Variants in PKHD1 observed in about 807,000 individuals in gnomAD.
The protein encoded by PKHD1 is PKHD1 ciliary IPT domain containing fibrocystin/polyductin.
In PKHD1, 291 loss-of-function variants were observed where a neutral mutation model predicts 412.0. The ratio of observed to expected loss-of-function variants is 0.71; its 90% CI spans 0.64 to 0.78. PKHD1 has a LOEUF of 0.78. Ranked by LOEUF, PKHD1 falls within the 30% of genes least tolerant of loss-of-function variation. PKHD1 has a pLI of 0.00. For missense variants in PKHD1, 4,825 were observed against 4,950.7 expected (o/e 0.97, Z 0.76); for synonymous variants, 1,777 against 1,821.5 (o/e 0.98, Z 0.62).
Position 51,659,891 on chromosome 6 carries a change from A to T in PKHD1, c.10235T>A (p.Val3412Asp). Residue 3412 changes from valine to aspartate, a missense_variant, in exon 61 of 67, where the codon GTC (valine) becomes GAC (aspartate). Physicochemically the swap from Val to Asp is radical, Grantham distance 152. Transcript: ENST00000371117. ...GGCATCAGCGCTATCAAGAATTAGG[A>T]CCACTTGGTCAGTCTGTTTGCAGAT... ...GFICKQTDQV[V>D]LILDSADAIW... 6.2e-7 allele frequency: 1 copy of T among 1,612,960 alleles called. No homozygotes were observed. Among genetic ancestry groups the T allele is most frequent in the Non-Finnish European group, 8.5e-7 (1 of 1,179,152 alleles).
chr6:51,858,901 G>C (rs1583067900), intron 48 of PKHD1, among the ~76,000 whole-genome samples: 1 of 152,186 alleles, frequency 6.6e-6, no homozygotes, highest in Admixed American at 6.5e-5. Flanking sequence ...TCAGCAGTTG[G>C]GTGATCCTAA....
intron 54 of PKHD1, 90 bp from the exon 55 acceptor site, chr6:51,772,879 C>T: frequency 1.3e-6 from 1 of 774,338 alleles, no homozygotes. Context: ...GGCTGTTGTG[C>T]AAAACATGTG....
intron 53 of PKHD1, among the ~76,000 whole-genome samples, chr6:51,779,448 A>G (rs537214490): frequency 6.6e-6 from 1 of 152,178 alleles, no homozygotes; most frequent in South Asian, 2.1e-4. Flanking sequence ...TTTTGCTACA[A>G]TACTTCTAAA....
Position 51,780,540 on chromosome 6 carries a change from G to A in PKHD1, c.8441-4619C>T, listed in dbSNP as rs529881861. On this transcript the variant is annotated intron_variant, in intron 53 of 66. Coordinates refer to ENST00000371117, the MANE Select transcript of PKHD1 (RefSeq NM_138694.4). ...TACATTCATCATTAAAAAAGAGTAA[G>A]AGAACAGCTATTTCACAAAACAAGA... Among the ~76,000 whole-genome samples, 22 of 151,992 alleles carry A rather than the reference G, an allele frequency of 1.4e-4. No individual in the cohort carries two copies. The South Asian group carries it at 4.6e-3, about 32-fold the overall frequency.
At chr6:51,713,993 AG>A (rs1780948440) in intron 60 of PKHD1, among the ~76,000 whole-genome samples, 2 of 152,162 alleles carry the variant, frequency 1.3e-5, no homozygotes, top group South Asian at 4.1e-4. Flanking sequence ...GGTGCTTTAA[AG>A]AAAAATTCAT....
intron 52 of PKHD1, among the ~76,000 whole-genome samples, chr6:51,803,174 C>T (rs1273290845): frequency 6.6e-6 from 1 of 151,450 alleles, no homozygotes; most frequent in Middle Eastern, 3.4e-3. Context: ...TACAAAATAA[C>T]TTCTGTAGAA....
intron 52 of PKHD1, among the ~76,000 whole-genome samples, chr6:51,825,316 C>T (rs924994172): frequency 2.0e-5 from 3 of 152,132 alleles, no homozygotes; most frequent in African/African-American, 7.2e-5. Context: ...AGTTGATGGC[C>T]ATGATATTCT....
intron 63 of PKHD1, among the ~76,000 whole-genome samples, chr6:51,645,415 C>T (rs62461287): frequency 0.053 from 8,071 of 151,828 alleles, 272 homozygotes; most frequent in East Asian, 0.14. Context: ...TTTCTTGAGA[C>T]GGAGTCTTGC....
intron 48 of PKHD1, among the ~76,000 whole-genome samples, chr6:51,858,004 G>C (rs1341248076): frequency 2.0e-5 from 3 of 152,044 alleles, no homozygotes; most frequent in African/African-American, 7.2e-5. Flanking sequence ...TAGATACTTA[G>C]GTTTGTTGTC....
At chr6:51,664,339 G>T (rs146836737) in intron 60 of PKHD1, among the ~76,000 whole-genome samples, 3 of 152,246 alleles carry the variant, frequency 2.0e-5, no homozygotes, top group Admixed American at 1.3e-4. Flanking sequence ...GGAGACAGAG[G>T]GAGAAAAGGG....
intron 60 of PKHD1, among the ~76,000 whole-genome samples, chr6:51,734,959 C>T (rs1218826375): frequency 6.6e-6 from 1 of 152,080 alleles, no homozygotes; most frequent in Non-Finnish European, 1.5e-5. Context: ...GTCCTAGAAC[C>T]AATGCCACAT....
At chr6:52,084,440 G>C (rs1472915991) in intron 2 of PKHD1, among the ~76,000 whole-genome samples, 1 of 152,212 alleles carries the variant, frequency 6.6e-6, no homozygotes, top group Non-Finnish European at 1.5e-5. Flanking sequence ...GATGATTTGA[G>C]ATAATACAAG....
intron 36 of PKHD1, among the ~76,000 whole-genome samples, chr6:51,941,369 C>T (rs1347779206): frequency 2.7e-5 from 4 of 148,462 alleles, no homozygotes; most frequent in Non-Finnish European, 4.5e-5. Flanking sequence ...CATTCTCCTG[C>T]CTCAGCCTCC....
Position 52,048,564 on chromosome 6 carries a change from G to C in PKHD1, c.2335C>G (p.Gln779Glu), listed in dbSNP as rs1581944190. The change falls in exon 23 of 67, where the codon CAG (glutamine) becomes GAG (glutamate). Residue 779 changes from glutamine to glutamate, a missense_variant. Coordinates refer to ENST00000371117, the MANE Select transcript of PKHD1 (RefSeq NM_138694.4). ...EGSGLVLVTT[Q>E]RRQRTSPPLG... ...GGTGGACTTGTCCGCTGTCGTCTCT[G>C]TGTCGTCACCAGGACCAGTCCAGAT... The C allele has an allele frequency of 3.7e-6, 6 of 1,613,942 alleles. No homozygotes were observed. Among genetic ancestry groups the C allele is most frequent in the Non-Finnish European group, 5.1e-6 (6 of 1,179,912 alleles).
chr6:51,912,611 T>C (rs1306682802), intron 37 of PKHD1, 35 bp from the exon 38 acceptor site: 3 of 1,297,970 alleles, frequency 2.3e-6, no homozygotes, highest in Middle Eastern at 1.8e-4. Context: ...TCCAGATAAT[T>C]TAATCATTAA....
intron 33 of PKHD1, among the ~76,000 whole-genome samples, chr6:52,021,748 C>T (rs1801432416): frequency 6.6e-6 from 1 of 151,988 alleles, no homozygotes; most frequent in Non-Finnish European, 1.5e-5. Flanking sequence ...CCTTCTTCTT[C>T]CTCTTCCCTC....
chr6:51,988,568 A>G (rs923796338), intron 35 of PKHD1, among the ~76,000 whole-genome samples: 3 of 152,186 alleles, frequency 2.0e-5, no homozygotes, highest in African/African-American at 7.2e-5. Flanking sequence ...CCAGTTTTCT[A>G]TGCGAGCCTT....
intron 15 of PKHD1, 106 bp from the exon 16 acceptor site, chr6:52,058,707 G>A (rs534415770): frequency 1.7e-6 from 2 of 1,203,454 alleles, no homozygotes; most frequent in African/African-American, 1.5e-5. Flanking sequence ...TTTTGAACTG[G>A]TCTGCCTTTT....
At position 51,849,656 on chromosome 6, in the gene PKHD1, C is replaced by A. The variant is rs188054915; in HGVS notation, c.7912-1686G>T. Among the ~76,000 whole-genome samples the A allele has an allele frequency of 3.3e-3, 507 of 152,240 alleles. 1 individual carries two copies. The highest frequency in any genetic ancestry group is 4.9e-3 in the Non-Finnish European group (335 of 68,008). On this transcript the variant is annotated intron_variant, in intron 49 of 66. Transcript: ENST00000371117. ...TTCTCTGATGATCAATGATGTTGAGCTTTTTTTCATGTTTGTTGGCCGCGT... is the reference window on the plus strand; with the variant it reads ...TTCTCTGATGATCAATGATGTTGAGATTTTTTTCATGTTTGTTGGCCGCGT...
Sources: allele counts gnomAD v4.1 joint callset (sites outside exome capture counted in the v4.1 genomes callset), GRCh38; gene constraint gnomAD v4.1.1; transcripts MANE v1.5; gene names NCBI Gene and HGNC (gene_info 2026-07-23, HGNC 2026-07-21).